The following ACACB variants were observed in gnomAD, a reference collection of about 807,000 sequenced individuals.
ACACB encodes the protein acetyl-CoA carboxylase beta, also known as acetyl-CoA carboxylase 2.
A neutral mutation model predicts 278.8 loss-of-function variants in ACACB; 209 were observed. The observed-to-expected ratio is 0.75, with a 90% CI of 0.67 to 0.84. ACACB has a LOEUF of 0.84. Ranked by LOEUF, ACACB falls within the 40% of genes least tolerant of loss-of-function variation. The pLI is 0.00. For synonymous variants in ACACB, 1,174 were observed against 1,285.6 expected (o/e 0.91, Z 1.86); for missense variants, 2,850 against 3,269.0 (o/e 0.87, Z 3.13).
chr12:109,152,981 T>A lies in ACACB; in HGVS notation c.653+12923T>A, dbSNP rs115237762. Among the ~76,000 whole-genome samples, 400 of 151,798 alleles carry A rather than the reference T, an allele frequency of 2.6e-3. 2 individuals carry two copies. The highest frequency in any genetic ancestry group is 8.6e-3 in the African/African-American group (355 of 41,360). On this transcript the variant is annotated intron_variant, in intron 2 of 52. Coordinates refer to ENST00000338432, the MANE Select transcript of ACACB (RefSeq NM_001093.4). ...GAATTTTTAATTGTATTTTAAAATTTGTTTTCATGTTTTTGTTTGTTTTGA... is the reference window on the plus strand; with the variant it reads ...GAATTTTTAATTGTATTTTAAAATTAGTTTTCATGTTTTTGTTTGTTTTGA...
intron 1 of ACACB, among the ~76,000 whole-genome samples, chr12:109,124,864 G>A (rs2042639000): frequency 6.6e-6 from 1 of 152,114 alleles, no homozygotes; most frequent in Non-Finnish European, 1.5e-5. Context: ...ACAGGCGCTC[G>A]CCACCATGCC....
intron 1 of ACACB, among the ~76,000 whole-genome samples, chr12:109,136,689 T>C (rs748702712): frequency 1.3e-5 from 2 of 152,252 alleles, no homozygotes; most frequent in African/African-American, 4.8e-5. Context: ...ATTTATCTTG[T>C]ATCCTGCAAC....
At chr12:109,171,716 A>G (rs937157070) in intron 4 of ACACB, 89 bp from the exon 5 acceptor site, 7 of 974,674 alleles carry the variant, frequency 7.2e-6, no homozygotes, top group Non-Finnish European at 1.1e-5. Context: ...TCTGCTTTCC[A>G]TGGCTGTACA....
At position 109,246,217 on chromosome 12, in the gene ACACB, G is replaced by A. The variant is rs901685702; in HGVS notation, c.5340G>A (p.Gln1780=). The change falls in exon 39 of 53, where the codon CAG becomes CAA. Residue 1780 remains glutamine (Q), a synonymous_variant. Coordinates refer to ENST00000338432, the MANE Select transcript of ACACB (RefSeq NM_001093.4). ...MVAFKMRFKT[Q]EYPEGRDVIV... Reference sequence around the variant, plus strand: ...CCTTCAAAATGAGGTTTAAGACCCAGGAGTACCCGGAAGGACGGGATGTGA... The same window carrying A: ...CCTTCAAAATGAGGTTTAAGACCCAAGAGTACCCGGAAGGACGGGATGTGA... 1 of 1,613,788 alleles carries A rather than the reference G, an allele frequency of 6.2e-7. No individual in the cohort carries two copies. Among genetic ancestry groups the A allele is most frequent in the Non-Finnish European group, 8.5e-7 (1 of 1,179,984 alleles).
intron 9 of ACACB, among the ~76,000 whole-genome samples, chr12:109,177,867 G>A (rs1239193430): frequency 6.6e-6 from 1 of 152,072 alleles, no homozygotes; most frequent in Non-Finnish European, 1.5e-5. Context: ...ATTTATTAGA[G>A]CAGTTTTAGG....
chr12:109,192,056 G>A lies in ACACB; in HGVS notation c.2399+106G>A, dbSNP rs2044911963. The A allele has an allele frequency of 2.6e-6, 3 of 1,170,752 alleles. No individual in the cohort carries two copies. In the African/African-American group the frequency reaches 4.5e-5, roughly 18 times the overall value. The allele number at this position is 1,170,752 out of a possible 1,614,324, so 72.5% of individuals were successfully genotyped here. A position where few individuals can be genotyped will look rare whatever the true frequency, so the allele number is the denominator to read the frequency against. ...GTGGCCAGTTAGTCACCAGGCAATT[G>A]GTGAGTCTCTCCTCCGGTCTTGCCT... On this transcript the variant is annotated intron_variant, in intron 15 of 52. Coordinates refer to ENST00000338432, the MANE Select transcript of ACACB (RefSeq NM_001093.4).
intron 36 of ACACB, 150 bp from the exon 37 acceptor site, chr12:109,242,287 A>T (rs1387571400): frequency 7.8e-6 from 6 of 772,900 alleles, no homozygotes; most frequent in Non-Finnish European, 2.1e-6. Flanking sequence ...TGAAGAAGGG[A>T]GTTTTACGTA....
At chr12:109,230,994 C>T (rs2136588369) in intron 28 of ACACB, among the ~76,000 whole-genome samples, 1 of 152,270 alleles carries the variant, frequency 6.6e-6, no homozygotes, top group Non-Finnish European at 1.5e-5. Flanking sequence ...TGCGGCTGCC[C>T]CCACCAACCA....
At chr12:109,235,509 A>G (rs1565955417) in intron 32 of ACACB, 97 bp from the exon 33 acceptor site, 2 of 1,417,994 alleles carry the variant, frequency 1.4e-6, no homozygotes, top group Admixed American at 1.7e-5. Context: ...TCATTCTAGA[A>G]GTGAATGTAA....
At chr12:109,114,152 TA>T (rs1247491575), upstream of ACACB, among the ~76,000 whole-genome samples, 1 of 152,180 alleles carries the variant, frequency 6.6e-6, no homozygotes, top group Non-Finnish European at 1.5e-5. Context: ...GCTAAGTTTT[TA>T]ATAGAAATGG....
At chr12:109,222,015 G>A (rs971612887) in intron 24 of ACACB, among the ~76,000 whole-genome samples, 3 of 151,558 alleles carry the variant, frequency 2.0e-5, no homozygotes, top group African/African-American at 7.3e-5. Flanking sequence ...AGCCTTCTGA[G>A]TAGCTGGGAC....
chr12:109,208,172 C>T lies in ACACB; in HGVS notation c.3061-993C>T, dbSNP rs2030457802. Among the ~76,000 whole-genome samples the T allele has an allele frequency of 3.9e-5, 6 of 151,990 alleles. No homozygotes were observed. The South Asian group carries it at 1.0e-3, about 26-fold the overall frequency. Reference sequence around the variant, plus strand: ...ATCAGGATTCTGACTCTGTGCTCTTCGCCCCCACGTTATGCTGCCTGATGA... The same window carrying T: ...ATCAGGATTCTGACTCTGTGCTCTTTGCCCCCACGTTATGCTGCCTGATGA... On this transcript the variant is annotated intron_variant, in intron 20 of 52. Coordinates refer to ENST00000338432, the MANE Select transcript of ACACB (RefSeq NM_001093.4).
intron 19 of ACACB, 141 bp downstream of exon 19, chr12:109,201,842 C>G (rs995293241): frequency 6.9e-6 from 8 of 1,161,992 alleles, no homozygotes; most frequent in Middle Eastern, 3.0e-4. Flanking sequence ...CAGCAGCCAC[C>G]GTGATGGTGC....
chr12:109,221,584 G>A (rs892967999), intron 24 of ACACB, among the ~76,000 whole-genome samples: 1 of 152,106 alleles, frequency 6.6e-6, no homozygotes. Flanking sequence ...TCAACCCCAC[G>A]TCCCTCTCCT....
rs1281188152 is a variant in ACACB, at chr12:109,206,691, T to G, written c.2914-19T>G. On this transcript the variant is annotated intron_variant, in intron 19 of 52. Coordinates refer to ENST00000338432, the MANE Select transcript of ACACB (RefSeq NM_001093.4). Reference sequence around the variant, plus strand: ...TCCCAGAGTTTTCCTGACCTGTCGTTCTTGTGGTGTCTCATCAGGCTGAAC... The same window carrying G: ...TCCCAGAGTTTTCCTGACCTGTCGTGCTTGTGGTGTCTCATCAGGCTGAAC... 6.2e-7 allele frequency: 1 copy of G among 1,613,000 alleles called. No homozygotes were observed. The highest frequency in any genetic ancestry group is 2.2e-5 in the East Asian group (1 of 44,870).
In ACACB at chr12:109,250,095, C is replaced by CATT. The variant is rs2047053989; in HGVS notation, c.5783_5785dup (p.Ile1928dup). ...CTCTGGCTTACGAAGAGATCGTCAC[C>CATT]ATTAGCTTGGTGAGTCTTCTTCTAT... On this transcript the variant is annotated inframe_insertion, in exon 41 of 53. Coordinates refer to ENST00000338432, the MANE Select transcript of ACACB (RefSeq NM_001093.4). The CATT allele has an allele frequency of 1.2e-6, 2 of 1,603,604 alleles. No homozygotes were observed. Among genetic ancestry groups the CATT allele is most frequent in the Non-Finnish European group, 1.7e-6 (2 of 1,176,654 alleles).
At chr12:109,208,735 C>T (rs1417248473) in intron 20 of ACACB, among the ~76,000 whole-genome samples, 1 of 152,210 alleles carries the variant, frequency 6.6e-6, no homozygotes, top group African/African-American at 2.4e-5. Flanking sequence ...GTTAACTTAA[C>T]TAACCTCTCT....
upstream of ACACB, among the ~76,000 whole-genome samples, chr12:109,112,493 G>T (rs897656326): frequency 4.0e-5 from 6 of 151,430 alleles, no homozygotes; most frequent in African/African-American, 1.5e-4. Context: ...ACCTGAGGTC[G>T]GGAGTTCAAG....
intron 9 of ACACB, among the ~76,000 whole-genome samples, chr12:109,177,623 G>A (rs924947683): frequency 3.3e-5 from 5 of 152,194 alleles, no homozygotes. Flanking sequence ...CAGCAGTACA[G>A]AAAGTTCACA....
Sources: allele counts gnomAD v4.1 joint callset (sites outside exome capture counted in the v4.1 genomes callset), GRCh38; gene constraint gnomAD v4.1.1; transcripts MANE v1.5; gene names NCBI Gene and HGNC (gene_info 2026-07-23, HGNC 2026-07-21).